ATP9B: variants seen among roughly 807,000 people sequenced by gnomAD.
ATP9B encodes the protein ATPase phospholipid transporting 9B, also known as probable phospholipid-transporting ATPase IIB.
In ATP9B, 110 loss-of-function variants were observed where a neutral mutation model predicts 146.1. The ratio of observed to expected loss-of-function variants is 0.75; its 90% CI spans 0.65 to 0.88. The LOEUF is 0.88. ATP9B is among the 40% of genes least tolerant of loss of function. ATP9B has a pLI of 0.00. For missense variants in ATP9B, 1,499 were observed against 1,496.4 expected (o/e 1.00, Z -0.03); for synonymous variants, 604 against 569.7 (o/e 1.06, Z -0.86).
At chr18:79,207,971 C>T (rs1328170815) in intron 10 of ATP9B, among the ~76,000 whole-genome samples, 7 of 152,096 alleles carry the variant, frequency 4.6e-5, no homozygotes, top group East Asian at 3.9e-4. Flanking sequence ...ATAGGCCGGG[C>T]GCGGGGGCTC....
At chr18:79,290,693 C>A (rs1482267808) in intron 13 of ATP9B, among the ~76,000 whole-genome samples, 2 of 152,240 alleles carry the variant, frequency 1.3e-5, no homozygotes, top group Non-Finnish European at 1.5e-5. Flanking sequence ...GCAGAAATCA[C>A]CCATCTTCTG....
chr18:79,314,254 C>T lies in ATP9B; in HGVS notation c.1773+7020C>T, dbSNP rs532409143. Among the ~76,000 whole-genome samples, 7 of 152,270 alleles carry T rather than the reference C, an allele frequency of 4.6e-5. No homozygotes were observed. In the South Asian group the frequency reaches 1.2e-3, roughly 27 times the overall value. On this transcript the variant is annotated intron_variant, in intron 15 of 29. Transcript: ENST00000426216. The stretch of plus-strand genomic sequence containing the variant: ...CATCCTCTTAAAACCCTGTTTGTGG[C>T]GCTGTGTCATCTCGGTCTTTAGGAA...
intron 13 of ATP9B, 105 bp from the exon 14 acceptor site, chr18:79,303,499 G>A: frequency 1.3e-6 from 1 of 796,738 alleles, no homozygotes; most frequent in Non-Finnish European, 2.1e-6. Context: ...GGGCATCCCA[G>A]CTGCTTCAGC....
At chr18:79,151,980 A>G (rs1308225536) in intron 6 of ATP9B, among the ~76,000 whole-genome samples, 1 of 152,246 alleles carries the variant, frequency 6.6e-6, no homozygotes, top group Non-Finnish European at 1.5e-5. Context: ...ACAAATTTAC[A>G]AGAAATAAAA....
intron 15 of ATP9B, among the ~76,000 whole-genome samples, chr18:79,319,103 G>A (rs1365558962): frequency 6.6e-6 from 1 of 152,168 alleles, no homozygotes; most frequent in Non-Finnish European, 1.5e-5. Flanking sequence ...GCCTTCACTG[G>A]AGGGTCTTGG....
intron 12 of ATP9B, among the ~76,000 whole-genome samples, chr18:79,270,499 G>A (rs1405154810): frequency 2.8e-5 from 4 of 143,534 alleles, no homozygotes; most frequent in Middle Eastern, 3.6e-3. Context: ...AAACAATAAC[G>A]TGTGACTCCT....
rs1444709120 is a variant in ATP9B, at chr18:79,131,311, T to G, written c.667+4936T>G. ...AGTATCCAGGATACATAAAGAACTC[T>G]TACAATTTCAACATTAGAAAGATAA... is the stretch of plus-strand genomic sequence containing the variant. On this transcript the variant is annotated intron_variant, in intron 5 of 29. Transcript: ENST00000426216. Among the ~76,000 whole-genome samples, 18 of 152,212 alleles carry G rather than the reference T, an allele frequency of 1.2e-4. 1 individual carries two copies. Among genetic ancestry groups the G allele is most frequent in the Admixed American group, 1.2e-3 (18 of 15,278 alleles).
chr18:79,245,923 G>T (rs1599241253), intron 11 of ATP9B, among the ~76,000 whole-genome samples: 1 of 149,350 alleles, frequency 6.7e-6, no homozygotes, highest in African/African-American at 2.5e-5. Context: ...TACTGACTGT[G>T]CGGAGGGCAC....
chr18:79,330,173 C>A, intron 17 of ATP9B, 69 bp downstream of exon 17: 1 of 1,411,308 alleles, frequency 7.1e-7, no homozygotes, highest in Non-Finnish European at 1.0e-6. Context: ...TGACTCTCAG[C>A]CTGGTTCACA....
chr18:79,122,921 C>T (rs1038164262), intron 4 of ATP9B, among the ~76,000 whole-genome samples: 1 of 152,034 alleles, frequency 6.6e-6, no homozygotes, highest in Non-Finnish European at 1.5e-5. Context: ...ATTATGGAGA[C>T]GTTTATCATA....
chr18:79,101,311 T>C (rs909930487), intron 2 of ATP9B, among the ~76,000 whole-genome samples: 6 of 152,202 alleles, frequency 3.9e-5, no homozygotes, highest in African/African-American at 1.2e-4. Context: ...TTACTCAATA[T>C]GTGATACTTA....
At chr18:79,167,031 T>C (rs9963055) in intron 7 of ATP9B, among the ~76,000 whole-genome samples, 86,384 of 151,986 alleles carry the variant, frequency 0.57, 26,451 homozygotes, top group African/African-American at 0.81. Context: ...ACTTCCACTG[T>C]GGGCACCAGG....
At chr18:79,169,047 C>T (rs2095029270) in intron 7 of ATP9B, among the ~76,000 whole-genome samples, 1 of 152,104 alleles carries the variant, frequency 6.6e-6, no homozygotes, top group Non-Finnish European at 1.5e-5. Flanking sequence ...GAGGCAGCGT[C>T]CTGCCTCGTT....
chr18:79,337,846 GT>G (rs2096836244), intron 19 of ATP9B, among the ~76,000 whole-genome samples: 1 of 152,228 alleles, frequency 6.6e-6, no homozygotes, highest in African/African-American at 2.4e-5. Context: ...CCATTCCTGG[GT>G]TGGCCGGCAC....
In ATP9B at chr18:79,103,154, C is replaced by T. The variant is rs146006606; in HGVS notation, c.293+6505C>T. Among the ~76,000 whole-genome samples the T allele has an allele frequency of 3.3e-3, 508 of 152,220 alleles. 3 individuals carry two copies. Among genetic ancestry groups the T allele is most frequent in the African/African-American group, 0.012 (484 of 41,526 alleles). On this transcript the variant is annotated intron_variant, in intron 2 of 29. Coordinates refer to ENST00000426216, the MANE Select transcript of ATP9B (RefSeq NM_198531.5). ...AGCATTGTGCAGTAGCGAGAAGGGT[C>T]ACCGTCACCTTGTTCTTTCCCAGGT...
At chr18:79,168,926 CCTT>C (rs1373009071) in intron 7 of ATP9B, among the ~76,000 whole-genome samples, 3 of 152,078 alleles carry the variant, frequency 2.0e-5, no homozygotes, top group Admixed American at 1.3e-4. Context: ...TTATCCCTGT[CCTT>C]CTCTCTTCTC....
intron 5 of ATP9B, among the ~76,000 whole-genome samples, chr18:79,126,889 C>T (rs1019165580): frequency 6.6e-6 from 1 of 152,148 alleles, no homozygotes; most frequent in East Asian, 1.9e-4. Flanking sequence ...GCTTAACTTA[C>T]ATCCTTCAAG....
chr18:79,311,358 G>C (rs1437280425), intron 15 of ATP9B, among the ~76,000 whole-genome samples: 1 of 152,070 alleles, frequency 6.6e-6, no homozygotes, highest in Non-Finnish European at 1.5e-5. Flanking sequence ...TAAGTTTTCT[G>C]TACACTTTTC....
At chr18:79,198,546 GTGCACTTA>G (rs900833284) in intron 9 of ATP9B, among the ~76,000 whole-genome samples, 69 of 152,046 alleles carry the variant, frequency 4.5e-4, no homozygotes, top group African/African-American at 1.6e-3. Context: ...ACATGATGGA[GTGCACTTA>G]CACAAACCTA....
Sources: gnomAD v4.1 joint callset for allele counts (sites outside exome capture counted in the v4.1 genomes callset) on GRCh38, gnomAD v4.1.1 for gene constraint, MANE v1.5 for transcripts, NCBI Gene and HGNC (gene_info 2026-07-23, HGNC 2026-07-21) for gene names.